MC1R: variants seen among roughly 807,000 people sequenced by gnomAD.
MC1R encodes the protein melanocortin 1 receptor.
For synonymous variants in MC1R, 263 were observed against 203.8 expected (o/e 1.29, Z -2.47); for missense variants, 542 against 430.0 (o/e 1.26, Z -2.30).
At position 89,919,592 on chromosome 16, in the gene MC1R, G is replaced by A. The variant is rs750319061; in HGVS notation, c.334G>A (p.Val112Met). 24 of 1,609,676 alleles carry A rather than the reference G, an allele frequency of 1.5e-5. No homozygotes were observed. The Middle Eastern group carries it at 1.3e-3, about 88-fold the overall frequency. Residue 112 changes from valine to methionine, a missense_variant, in exon 1 of 1, where the codon GTG becomes ATG. Val to Met is a conservative substitution (Grantham distance 21). Transcript: ENST00000555147. ...CGGTGCACTGGTGGCCCGGGCTGCG[G>A]TGCTGCAGCAGCTGGACAATGTCAT... ...EAGALVARAA[V>M]LQQLDNVIDV...
Position 89,920,353 on chromosome 16 carries a change from G to C in MC1R, c.*141G>C. 2.7e-6 allele frequency: 2 copies of C among 743,192 alleles called. No individual in the cohort carries two copies. Among genetic ancestry groups the C allele is most frequent in the Non-Finnish European group, 4.5e-6 (2 of 445,548 alleles). 46.0% of individuals were successfully genotyped at this position (743,192 alleles called of 1,614,324 possible). A position where few individuals can be genotyped will look rare whatever the true frequency, so the allele number is the denominator to read the frequency against. ...AGGATGGACTAAATGATCTCTGAAA[G>C]TGTTGAAGCGCGGACCCTTCTGGGT... On this transcript the variant is annotated 3_prime_UTR_variant, in exon 1 of 1. Coordinates refer to ENST00000555147, the MANE Select transcript of MC1R (RefSeq NM_002386.4).
Position 89,919,474 on chromosome 16 carries a change from C to T in MC1R, c.216C>T (p.Pro72=), listed in dbSNP as rs367618124. ...TIAKNRNLHS[P]MYCFICCLAL... ...CCAAGAACCGGAACCTGCACTCACC[C>T]ATGTACTGCTTCATCTGCTGCCTGG... Residue 72 remains proline, a synonymous_variant, in exon 1 of 1, where the codon CCC becomes CCT. Coordinates refer to ENST00000555147, the MANE Select transcript of MC1R (RefSeq NM_002386.4). 2 of 1,613,338 alleles carry T rather than the reference C, an allele frequency of 1.2e-6. No individual in the cohort carries two copies. The highest frequency in any genetic ancestry group is 1.7e-5 in the Admixed American group (1 of 60,026).
rs755575050 is a variant in MC1R at position 89,919,759 on chromosome 16, C to A, written c.501C>A (p.Ala167=). 3 of 1,608,626 alleles carry A rather than the reference C, an allele frequency of 1.9e-6. No homozygotes were observed. The South Asian group carries it at 3.3e-5, about 18-fold the overall frequency. The change falls in exon 1 of 1, where the codon GCC becomes GCA. Residue 167 remains alanine (A), a synonymous_variant. Coordinates refer to ENST00000555147, the MANE Select transcript of MC1R (RefSeq NM_002386.4). Reference sequence around the variant, plus strand: ...CGCGGGCGCGGCGAGCCGTTGCGGCCATCTGGGTGGCCAGTGTCGTCTTCA... The same window carrying A: ...CGCGGGCGCGGCGAGCCGTTGCGGCAATCTGGGTGGCCAGTGTCGTCTTCA... ...TLPRARRAVA[A]IWVASVVFST...
Position 89,920,810 on chromosome 16 carries a change from T to C in MC1R, c.*598T>C, listed in dbSNP as rs886052510. On this transcript the variant is annotated 3_prime_UTR_variant, in exon 1 of 1. Transcript: ENST00000555147. The stretch of plus-strand genomic sequence containing the variant: ...CTAGTGGTATGGGGCTGAGCCCTCC[T>C]GAGGGCCGGTTCTAAGGCTCAGACT... 2 of 630,988 alleles carry C rather than the reference T, an allele frequency of 3.2e-6. No homozygotes were observed. Among genetic ancestry groups the C allele is most frequent in the Middle Eastern group, 2.7e-4 (1 of 3,666 alleles). 39.1% of individuals were successfully genotyped at this position (630,988 alleles called of 1,614,324 possible). A position where few individuals can be genotyped will look rare whatever the true frequency, so the allele number is the denominator to read the frequency against.
rs755331408 is a variant in MC1R, at chr16:89,920,046, T to C, written c.788T>C (p.Leu263Pro). The change falls in exon 1 of 1, where the codon CTC becomes CCC. Residue 263 changes from leucine (L) to proline (P), a missense_variant. By Grantham distance (98) the Leu-to-Pro change is moderately conservative. Coordinates refer to ENST00000555147, the MANE Select transcript of MC1R (RefSeq NM_002386.4). ...GGCCCCTTCTTCCTGCATCTCACAC[T>C]CATCGTCCTCTGCCCCGAGCACCCC... ...CWGPFFLHLT[L>P]IVLCPEHPTC... The C allele has an allele frequency of 1.2e-6, 2 of 1,613,818 alleles. No homozygotes were observed. Among genetic ancestry groups the C allele is most frequent in the Admixed American group, 1.7e-5 (1 of 60,026 alleles).
chr16:89,919,243 C>T lies in MC1R; in HGVS notation c.-16C>T. On this transcript the variant is annotated 5_prime_UTR_variant, in exon 1 of 1. Transcript: ENST00000555147. ...GGAGGCCTCCAACGACTCCTTCCTG[C>T]TTCCTGGACAGGACTATGGCTGTGC... 6.6e-7 allele frequency: 1 copy of T among 1,512,218 alleles called. No homozygotes were observed. The highest frequency in any genetic ancestry group is 8.9e-7 in the Non-Finnish European group (1 of 1,122,038). The allele number at this position is 1,512,218 out of a possible 1,614,324, so 93.7% of individuals were successfully genotyped here.
Position 89,919,710 on chromosome 16 carries a change from G to T in MC1R, c.452G>T (p.Arg151Leu), listed in dbSNP as rs149922657. The change falls in exon 1 of 1, where the codon CGC becomes CTC. Residue 151 changes from arginine (R) to leucine (L), a missense_variant. By Grantham distance (102) the Arg-to-Leu change is moderately radical. Transcript: ENST00000555147. ...TACATCTCCATCTTCTACGCACTGC[G>T]CTACCACAGCATCGTGACCCTGCCG... ...DRYISIFYAL[R>L]YHSIVTLPRA... 6.2e-7 allele frequency: 1 copy of T among 1,606,184 alleles called. No individual in the cohort carries two copies. The highest frequency in any genetic ancestry group is 1.7e-5 in the Admixed American group (1 of 60,020).
At position 89,919,518 on chromosome 16, in the gene MC1R, T is replaced by C. The variant is rs1376062424; in HGVS notation, c.260T>C (p.Val87Ala). ...TGCCTGGCCTTGTCGGACCTGCTGG[T>C]GAGCGGGAGCAACGTGCTGGAGACG... Reference protein sequence around the residue: ...ICCLALSDLLVSGSNVLETAV... With the variant: ...ICCLALSDLLASGSNVLETAV... Residue 87 changes from valine to alanine, a missense_variant, in exon 1 of 1, where the codon GTG becomes GCG. Physicochemically the swap from Val to Ala is moderately conservative, Grantham distance 64 (BLOSUM62 0). Transcript: ENST00000555147. 1 of 1,612,960 alleles carries C rather than the reference T, an allele frequency of 6.2e-7. No individual in the cohort carries two copies. Among genetic ancestry groups the C allele is most frequent in the Non-Finnish European group, 8.5e-7 (1 of 1,179,710 alleles).
Position 89,920,471 on chromosome 16 carries a change from G to C in MC1R, c.*259G>C. Reference sequence around the variant, plus strand: ...ACATGGGGAGGTTGTGGGGCCTCAGGCTCCGGGCACCAGGGGCCAACCTCA... The same window carrying C: ...ACATGGGGAGGTTGTGGGGCCTCAGCCTCCGGGCACCAGGGGCCAACCTCA... On this transcript the variant is annotated 3_prime_UTR_variant, in exon 1 of 1. Coordinates refer to ENST00000555147, the MANE Select transcript of MC1R (RefSeq NM_002386.4). The C allele has an allele frequency of 1.6e-6, 1 of 616,426 alleles. No homozygotes were observed. 38.2% of individuals were successfully genotyped at this position (616,426 alleles called of 1,614,324 possible).
Position 89,920,119 on chromosome 16 carries a change from C to A in MC1R, c.861C>A (p.Ile287=), listed in dbSNP as rs373957223. The A allele has an allele frequency of 3.7e-6, 6 of 1,613,870 alleles. No homozygotes were observed. The highest frequency in any genetic ancestry group is 5.1e-6 in the Non-Finnish European group (6 of 1,179,898). ...ACTTCAACCTCTTTCTCGCCCTCAT[C>A]ATCTGCAATGCCATCATCGACCCCC... ...FKNFNLFLAL[I]ICNAIIDPLI... The change falls in exon 1 of 1, where the codon ATC becomes ATA. Residue 287 remains isoleucine (I), a synonymous_variant. Transcript: ENST00000555147.
rs2045698175 is a variant in MC1R, at chr16:89,919,745, CGAGCCGTTGCG to C, written c.489_499del (p.Ala164HisfsTer71). On this transcript the variant is annotated frameshift_variant, in exon 1 of 1. Transcript: ENST00000555147. LOFTEE classifies it low-confidence loss of function (END_TRUNC). ...CATCGTGACCCTGCCGCGGGCGCGG[CGAGCCGTTGCG>C]GCCATCTGGGTGGCCAGTGTCGTCT... 6.2e-7 allele frequency: 1 copy of C among 1,605,154 alleles called. No individual in the cohort carries two copies. Among genetic ancestry groups the C allele is most frequent in the African/African-American group, 1.3e-5 (1 of 75,048 alleles).
rs2045710125 is a variant in MC1R, at chr16:89,920,422, AGCAGTC to A, written c.*212_*217del. On this transcript the variant is annotated 3_prime_UTR_variant, in exon 1 of 1. Coordinates refer to ENST00000555147, the MANE Select transcript of MC1R (RefSeq NM_002386.4). ...AAAACTCCAGGCAGGACTTCTCACCAGCAGTCGTGGGGAACGGAGGAGGACATGGGG... is the reference window on the plus strand; with the variant it reads ...AAAACTCCAGGCAGGACTTCTCACCAGTGGGGAACGGAGGAGGACATGGGG... The A allele has an allele frequency of 6.4e-6, 4 of 622,036 alleles. No individual in the cohort carries two copies. The highest frequency in any genetic ancestry group is 1.2e-5 in the Non-Finnish European group (4 of 343,518). The allele number at this position is 622,036 out of a possible 1,614,324, so 38.5% of individuals were successfully genotyped here. A position where few individuals can be genotyped will look rare whatever the true frequency, so the allele number is the denominator to read the frequency against.
At position 89,919,347 on chromosome 16, in the gene MC1R, A is replaced by G; in HGVS notation, c.89A>G (p.Gln30Arg). The G allele has an allele frequency of 6.2e-7, 1 of 1,612,916 alleles. No homozygotes were observed. The highest frequency in any genetic ancestry group is 1.1e-5 in the South Asian group (1 of 91,058). The change falls in exon 1 of 1, where the codon CAG (glutamine) becomes CGG (arginine). Residue 30 changes from glutamine to arginine, a missense_variant. By Grantham distance (43) the Gln-to-Arg change is conservative (BLOSUM62 1). Coordinates refer to ENST00000555147, the MANE Select transcript of MC1R (RefSeq NM_002386.4). ...CCCCAGCTGGGGCTGGCTGCCAACC[A>G]GACAGGAGCCCGGTGCCTGGAGGTG... ...AIPQLGLAAN[Q>R]TGARCLEVSI...
chr16:89,920,138 G>A lies in MC1R; in HGVS notation c.880G>A (p.Asp294Asn), dbSNP rs1805009. 2.5e-6 allele frequency: 4 copies of A among 1,613,798 alleles called. No individual in the cohort carries two copies. Among genetic ancestry groups the A allele is most frequent in the Non-Finnish European group, 3.4e-6 (4 of 1,179,850 alleles). ...LALIICNAII[D>N]PLIYAFHSQE... ...CCTCATCATCTGCAATGCCATCATC[G>A]ACCCCCTCATCTACGCCTTCCACAG... is the stretch of plus-strand genomic sequence containing the variant. The change falls in exon 1 of 1, where the codon GAC (aspartate) becomes AAC (asparagine). Residue 294 changes from aspartate (D) to asparagine (N), a missense_variant. Physicochemically the swap from Asp to Asn is conservative, Grantham distance 23. Coordinates refer to ENST00000555147, the MANE Select transcript of MC1R (RefSeq NM_002386.4).
chr16:89,920,759 A>G lies in MC1R; in HGVS notation c.*547A>G. 1 of 709,872 alleles carries G rather than the reference A, an allele frequency of 1.4e-6. No individual in the cohort carries two copies. The highest frequency in any genetic ancestry group is 1.5e-5 in the South Asian group (1 of 66,364). 44.0% of individuals were successfully genotyped at this position (709,872 alleles called of 1,614,324 possible). On this transcript the variant is annotated 3_prime_UTR_variant, in exon 1 of 1. Coordinates refer to ENST00000555147, the MANE Select transcript of MC1R (RefSeq NM_002386.4). Reference sequence around the variant, plus strand: ...GGAGGTGAAATCCCTGCCTCAGGCCAAGGGACCAGGTTTGCAGGAGCCCCC... The same window carrying G: ...GGAGGTGAAATCCCTGCCTCAGGCCGAGGGACCAGGTTTGCAGGAGCCCCC...
Position 89,920,228 on chromosome 16 carries a change from C to G in MC1R, c.*16C>G. ...CTCCTGGTGAGCGCGGTGCACGCGG[C>G]TTTAAGTGTGCTGGGCAGAGGGAGG... On this transcript the variant is annotated 3_prime_UTR_variant, in exon 1 of 1. Transcript: ENST00000555147. The G allele has an allele frequency of 1.3e-6, 2 of 1,597,984 alleles. No homozygotes were observed. Among genetic ancestry groups the G allele is most frequent in the Admixed American group, 1.7e-5 (1 of 59,752 alleles).
chr16:89,920,546 C>A lies in MC1R; in HGVS notation c.*334C>A, dbSNP rs577746924. 3.1e-6 allele frequency: 2 copies of A among 637,054 alleles called. No individual in the cohort carries two copies. The highest frequency in any genetic ancestry group is 5.7e-6 in the Non-Finnish European group (2 of 348,202). The allele number at this position is 637,054 out of a possible 1,614,324, so 39.5% of individuals were successfully genotyped here. ...CCACTCCTGGGACACTCCGTCTGCT[C>A]CAATGACTGAGCAGCATCCACCCCA... On this transcript the variant is annotated 3_prime_UTR_variant, in exon 1 of 1. Transcript: ENST00000555147.
rs1264058213 is a variant in MC1R, at chr16:89,920,614, C to T, written c.*402C>T. ...GCTCTCAGGACCGTGCCCTCGTCAG[C>T]TGGGATGTGAAGTCTCTGGGTGGAA... is the stretch of plus-strand genomic sequence containing the variant. On this transcript the variant is annotated 3_prime_UTR_variant, in exon 1 of 1. Coordinates refer to ENST00000555147, the MANE Select transcript of MC1R (RefSeq NM_002386.4). The T allele has an allele frequency of 1.4e-6, 1 of 704,010 alleles. No individual in the cohort carries two copies. The highest frequency in any genetic ancestry group is 2.7e-5 in the East Asian group (1 of 37,196). The allele number at this position is 704,010 out of a possible 1,614,324, so 43.6% of individuals were successfully genotyped here.
At position 89,919,168 on chromosome 16, in the gene MC1R, A is replaced by T. The variant is rs2045687075; in HGVS notation, c.-91A>T. ...TGGGGGACACCCAAGGCCCCCTGGCAGCACCATGAACTAAGCAGGACACCT... is the reference window on the plus strand; with the variant it reads ...TGGGGGACACCCAAGGCCCCCTGGCTGCACCATGAACTAAGCAGGACACCT... On this transcript the variant is annotated 5_prime_UTR_variant, in exon 1 of 1. Coordinates refer to ENST00000555147, the MANE Select transcript of MC1R (RefSeq NM_002386.4). The T allele has an allele frequency of 1.1e-6, 1 of 911,092 alleles. No individual in the cohort carries two copies. The highest frequency in any genetic ancestry group is 1.7e-5 in the African/African-American group (1 of 59,456). 56.4% of individuals were successfully genotyped at this position (911,092 alleles called of 1,614,324 possible). A position where few individuals can be genotyped will look rare whatever the true frequency, so the allele number is the denominator to read the frequency against.
Sources: gnomAD v4.1 joint callset for allele counts on GRCh38, gnomAD v4.1.1 for gene constraint, MANE v1.5 for transcripts, NCBI Gene and HGNC (gene_info 2026-07-23, HGNC 2026-07-21) for gene names.